USH2A: variants seen among roughly 807,000 people sequenced by gnomAD.
USH2A encodes usherin, also known as Usher syndrome 2A (autosomal recessive, mild).
Under a neutral mutation model 538.9 loss-of-function variants are expected in USH2A, and 443 were observed. The ratio of observed to expected loss-of-function variants is 0.82; its 90% CI spans 0.76 to 0.89. The LOEUF (loss-of-function observed/expected upper bound fraction) is 0.89, where lower values mean the gene tolerates loss of function less well. USH2A is among the 40% of genes least tolerant of loss of function. USH2A has a pLI of 0.00. For missense variants in USH2A, 6,633 were observed against 6,324.8 expected, an observed-to-expected ratio of 1.05 and a Z score of -1.65; for synonymous variants, 2,413 against 2,273.5, an observed-to-expected ratio of 1.06 and a Z score of -1.75.
intron 64 of USH2A, among the ~76,000 whole-genome samples, chr1:215,668,148 T>C (rs1657691684): frequency 6.6e-6 from 1 of 152,240 alleles, no homozygotes; most frequent in South Asian, 2.1e-4. Context: ...AGCAGATTTA[T>C]ATAGGACAAT....
intron 35 of USH2A, among the ~76,000 whole-genome samples, chr1:215,984,181 G>A (rs949186818): frequency 2.0e-5 from 3 of 152,126 alleles, no homozygotes; most frequent in Admixed American, 1.3e-4. Flanking sequence ...ATCTAGAAAA[G>A]CAAAAGAGAA....
At position 215,837,873 on chromosome 1, in the gene USH2A, C is replaced by T. The variant is rs898304058; in HGVS notation, c.9371+118G>A. The T allele has an allele frequency of 1.4e-5, 12 of 840,752 alleles. No homozygotes were observed. In the Middle Eastern group the frequency reaches 7.3e-4, roughly 51 times the overall value. The allele number at this position is 840,752 out of a possible 1,614,324, so 52.1% of individuals were successfully genotyped here. ...AATAATATCAAAAATTTGATTTACA[C>T]ACATACTTATAATAACCCATTAAAT... is the stretch of plus-strand genomic sequence containing the variant. On this transcript the variant is annotated intron_variant, in intron 47 of 71. Coordinates refer to ENST00000307340, the MANE Select transcript of USH2A (RefSeq NM_206933.4).
At chr1:215,842,226 A>G (rs1571739001) in intron 46 of USH2A, among the ~76,000 whole-genome samples, 1 of 152,304 alleles carries the variant, frequency 6.6e-6, no homozygotes, top group East Asian at 1.9e-4. Flanking sequence ...ATAACTGATC[A>G]TTACAGAAAT....
At chr1:215,630,096 A>G in intron 70 of USH2A, 1 of 516,794 alleles carries the variant, frequency 1.9e-6, no homozygotes, top group Non-Finnish European at 3.9e-6. Flanking sequence ...AGGAATGGAT[A>G]TATGGAAGTC....
chr1:215,725,368 G>A (rs1204602007), intron 61 of USH2A, among the ~76,000 whole-genome samples: 1 of 152,176 alleles, frequency 6.6e-6, no homozygotes, highest in African/African-American at 2.4e-5. Flanking sequence ...GTGGGAATAA[G>A]TGAAACACAA....
intron 61 of USH2A, among the ~76,000 whole-genome samples, chr1:215,689,835 C>T (rs1658545680): frequency 6.6e-6 from 1 of 152,154 alleles, no homozygotes; most frequent in Admixed American, 6.5e-5. Flanking sequence ...GAGAACACAG[C>T]CCAACAGACA....
In USH2A at chr1:216,246,993, C is replaced by A; in HGVS notation, c.2401G>T (p.Gly801Ter). ...NCKACDCDTA[G>*]SLPGTVCNAK... Reference sequence around the variant, plus strand: ...TTACAGACAGTCCCAGGGAGGGATCCAGCTGTGTCACAGTCACAGGCCTTA... The same window carrying A: ...TTACAGACAGTCCCAGGGAGGGATCAAGCTGTGTCACAGTCACAGGCCTTA... The change falls in exon 13 of 72, where the codon GGA becomes TGA. Residue 801 changes from glycine to a stop codon, truncating the protein, a stop_gained. Coordinates refer to ENST00000307340, the MANE Select transcript of USH2A (RefSeq NM_206933.4). LOFTEE classifies it high-confidence loss of function. 6.2e-7 allele frequency: 1 copy of A among 1,614,044 alleles called. No individual in the cohort carries two copies. Among genetic ancestry groups the A allele is most frequent in the Non-Finnish European group, 8.5e-7 (1 of 1,179,988 alleles).
rs530963330 is a variant in USH2A, at chr1:216,138,841, A to G, written c.4627+36411T>C. Among the ~76,000 whole-genome samples, 15 of 152,320 alleles carry G rather than the reference A, an allele frequency of 9.8e-5. No individual in the cohort carries two copies. In the South Asian group the frequency reaches 2.7e-3, roughly 27 times the overall value. On this transcript the variant is annotated intron_variant, in intron 21 of 71. Transcript: ENST00000307340. Reference sequence around the variant, plus strand: ...GAATAAAACAGACAGGAAGCCAAACAGCTGATGAATTTCCCACTTAGTATT... The same window carrying G: ...GAATAAAACAGACAGGAAGCCAAACGGCTGATGAATTTCCCACTTAGTATT...
chr1:216,032,424 G>T (rs979302456), intron 32 of USH2A, among the ~76,000 whole-genome samples: 7 of 152,110 alleles, frequency 4.6e-5, no homozygotes, highest in South Asian at 2.1e-4. Flanking sequence ...GGCTTAGTAA[G>T]GTCACAGGGT....
chr1:216,017,309 A>G (rs941484311), intron 32 of USH2A, among the ~76,000 whole-genome samples: 2 of 152,104 alleles, frequency 1.3e-5, no homozygotes, highest in Non-Finnish European at 2.9e-5. Context: ...CTGCACAAGG[A>G]TAGATATAGA....
intron 38 of USH2A, among the ~76,000 whole-genome samples, chr1:215,912,499 A>ATAGATATG (rs1665828260): frequency 2.3e-5 from 1 of 43,234 alleles, no homozygotes; most frequent in Non-Finnish European, 4.5e-5. Context: ...ATGTGTATAT[A>ATAGATATG]TATATATATA....
chr1:216,227,640 T>G (rs1341153088), intron 14 of USH2A, among the ~76,000 whole-genome samples: 1 of 152,068 alleles, frequency 6.6e-6, no homozygotes, highest in Non-Finnish European at 1.5e-5. Flanking sequence ...TAAGACTAGA[T>G]AAAAAATTAA....
At chr1:216,312,283 T>A (rs2037436257) in intron 9 of USH2A, among the ~76,000 whole-genome samples, 1 of 152,124 alleles carries the variant, frequency 6.6e-6, no homozygotes, top group Non-Finnish European at 1.5e-5. Flanking sequence ...GGCTAGATGT[T>A]CCCCCTTCAG....
chr1:215,860,227 C>T (rs1277937960), intron 44 of USH2A, among the ~76,000 whole-genome samples: 1 of 152,154 alleles, frequency 6.6e-6, no homozygotes, highest in Non-Finnish European at 1.5e-5. Context: ...ACTTCCCAGC[C>T]TCAGGTATTC....
intron 58 of USH2A, among the ~76,000 whole-genome samples, chr1:215,747,890 G>GTTTTTT (rs1553258116): frequency 1.1e-5 from 1 of 91,230 alleles, no homozygotes; most frequent in African/African-American, 3.9e-5. Flanking sequence ...TTGTTTGTTT[G>GTTTTTT]GTTTTTTTTT....
rs1427646102 is a variant in USH2A, at chr1:215,934,665, G to T, written c.7251C>A (p.Ser2417Arg). 1 of 1,612,614 alleles carries T rather than the reference G, an allele frequency of 6.2e-7. No homozygotes were observed. The highest frequency in any genetic ancestry group is 8.5e-7 in the Non-Finnish European group (1 of 1,179,032). Residue 2417 changes from serine (S) to arginine (R), a missense_variant, in exon 38 of 72, where the codon AGC becomes AGA. Ser to Arg is a moderately radical substitution (Grantham distance 110). Coordinates refer to ENST00000307340, the MANE Select transcript of USH2A (RefSeq NM_206933.4). ...NYTVQVNISNSQGSLITDPIT... is the reference protein window; with the variant it reads ...NYTVQVNISNRQGSLITDPIT... ...TAGGATCAGTTATCAAGCTGCCTTG[G>T]CTATTTGAAATATTCACTTGTACAG... is the stretch of plus-strand genomic sequence containing the variant.
intron 58 of USH2A, among the ~76,000 whole-genome samples, chr1:215,748,515 AATG>A (rs1660544090): frequency 6.6e-6 from 1 of 152,222 alleles, no homozygotes; most frequent in African/African-American, 2.4e-5. Flanking sequence ...ACTGCAAGCT[AATG>A]ATGATTGCTT....
At chr1:216,106,894 T>C (rs1225007826) in intron 21 of USH2A, among the ~76,000 whole-genome samples, 1 of 151,878 alleles carries the variant, frequency 6.6e-6, no homozygotes, top group African/African-American at 2.4e-5. Flanking sequence ...TTTAGAAATG[T>C]GTTGTTTAAT....
chr1:215,801,807 A>T (rs1662342381), intron 49 of USH2A, among the ~76,000 whole-genome samples: 1 of 152,142 alleles, frequency 6.6e-6, no homozygotes, highest in Non-Finnish European at 1.5e-5. Flanking sequence ...AAAAACTGCA[A>T]ATAGTCAAAA....
Sources: allele counts gnomAD v4.1 joint callset (sites outside exome capture counted in the v4.1 genomes callset), GRCh38; gene constraint gnomAD v4.1.1; transcripts MANE v1.5; gene names NCBI Gene and HGNC (gene_info 2026-07-23, HGNC 2026-07-21).